The following DOCK1 variants were observed in gnomAD, a reference collection of about 807,000 sequenced individuals.
DOCK1 encodes the protein dedicator of cytokinesis 1, also known as dedicator of cytokinesis protein 1.
A neutral mutation model predicts 262.7 loss-of-function variants in DOCK1; 138 were observed. The ratio of observed to expected loss-of-function variants is 0.53; its 90% CI spans 0.46 to 0.61. The LOEUF (loss-of-function observed/expected upper bound fraction) is 0.61, where lower values mean the gene tolerates loss of function less well. Among genes scored for constraint, DOCK1 ranks in the 20% least tolerant of loss-of-function variants. DOCK1 has a pLI of 0.00. For missense variants in DOCK1, 1,908 were observed against 2,370.7 expected, an observed-to-expected ratio of 0.80 and a Z score of 4.05; for synonymous variants, 866 against 867.4, an observed-to-expected ratio of 1.00 and a Z score of 0.03.
intron 49 of DOCK1, among the ~76,000 whole-genome samples, chr10:127,441,101 A>C (rs2070093628): frequency 6.6e-6 from 1 of 152,236 alleles, no homozygotes; most frequent in African/African-American, 2.4e-5. Flanking sequence ...CTCCGTTTTA[A>C]GATGCTAAAT....
chr10:127,064,819 T>C (rs1422272110), intron 23 of DOCK1, among the ~76,000 whole-genome samples: 1 of 152,208 alleles, frequency 6.6e-6, no homozygotes, highest in African/African-American at 2.4e-5. Context: ...GTCACACTGT[T>C]GTGCAACCAT....
chr10:127,261,960 G>C (rs2060164528), intron 29 of DOCK1, among the ~76,000 whole-genome samples: 1 of 139,230 alleles, frequency 7.2e-6, no homozygotes, highest in African/African-American at 2.8e-5. Flanking sequence ...GTGTACCCGT[G>C]CTCCTCTGTG....
intron 27 of DOCK1, among the ~76,000 whole-genome samples, chr10:127,135,104 A>T (rs887525604): frequency 5.3e-5 from 8 of 152,314 alleles, no homozygotes; most frequent in African/African-American, 1.4e-4. Flanking sequence ...CACTCAATGT[A>T]TTTAGCCATT....
At chr10:126,960,115 C>A (rs2037082344) in intron 1 of DOCK1, among the ~76,000 whole-genome samples, 1 of 152,168 alleles carries the variant, frequency 6.6e-6, no homozygotes, top group South Asian at 2.1e-4. Flanking sequence ...ACAAGCAAAG[C>A]CGCAGTGGTT....
At position 127,410,735 on chromosome 10, in the gene DOCK1, A is replaced by G. The variant is rs543698010; in HGVS notation, c.4344-105A>G. 1.1e-4 allele frequency: 107 copies of G among 1,004,296 alleles called. No individual in the cohort carries two copies. In the African/African-American group the frequency reaches 1.6e-3, roughly 15 times the overall value. The allele number at this position is 1,004,296 out of a possible 1,614,324, so 62.2% of individuals were successfully genotyped here. A position where few individuals can be genotyped will look rare whatever the true frequency, so the allele number is the denominator to read the frequency against. ...ATGGCTTCAGGTCAAGGTTAGGGAC[A>G]TTTTACAGGAGGCAGTGACATGTTC... On this transcript the variant is annotated intron_variant, in intron 42 of 51. Transcript: ENST00000623213.
intron 1 of DOCK1, among the ~76,000 whole-genome samples, chr10:126,967,916 C>T (rs376356331): frequency 3.0e-4 from 46 of 152,204 alleles, no homozygotes; most frequent in African/African-American, 1.0e-3. Flanking sequence ...TGGGTTCAAG[C>T]GATTCTCTTG....
chr10:127,248,984 G>A (rs995147620), intron 28 of DOCK1, among the ~76,000 whole-genome samples: 3 of 152,092 alleles, frequency 2.0e-5, no homozygotes, highest in African/African-American at 7.2e-5. Context: ...ATGATCTGAG[G>A]TGGAACAGTT....
At position 127,024,601 on chromosome 10, in the gene DOCK1, G is replaced by C; in HGVS notation, c.1453-84G>C. The C allele has an allele frequency of 2.6e-6, 3 of 1,152,826 alleles. No homozygotes were observed. In the South Asian group the frequency reaches 4.7e-5, roughly 18 times the overall value. The allele number at this position is 1,152,826 out of a possible 1,614,324, so 71.4% of individuals were successfully genotyped here. Reference sequence around the variant, plus strand: ...GTGTTGGTGTTCTTGGAGCGTACCTGTCCCCCCACATATATAGTGGGAGAT... The same window carrying C: ...GTGTTGGTGTTCTTGGAGCGTACCTCTCCCCCCACATATATAGTGGGAGAT... On this transcript the variant is annotated intron_variant, in intron 14 of 51. Coordinates refer to ENST00000623213, the MANE Select transcript of DOCK1 (RefSeq NM_001290223.2).
At chr10:126,976,772 C>T (rs1001834825) in intron 2 of DOCK1, among the ~76,000 whole-genome samples, 3 of 151,720 alleles carry the variant, frequency 2.0e-5, no homozygotes, top group Admixed American at 2.0e-4. Flanking sequence ...CTTGCTCTCT[C>T]ATCCAGGCTG....
chr10:127,170,105 G>C (rs901967228), intron 27 of DOCK1, among the ~76,000 whole-genome samples: 2 of 151,896 alleles, frequency 1.3e-5, no homozygotes, highest in African/African-American at 2.4e-5. Context: ...TGCTGACAGG[G>C]AACTGCCCCC....
intron 27 of DOCK1, among the ~76,000 whole-genome samples, chr10:127,241,341 A>G (rs2059258021): frequency 6.6e-6 from 1 of 152,096 alleles, no homozygotes; most frequent in African/African-American, 2.4e-5. Context: ...AATAATAATT[A>G]TTATTATTGT....
At chr10:127,293,995 C>T (rs1392790605) in intron 29 of DOCK1, among the ~76,000 whole-genome samples, 1 of 152,204 alleles carries the variant, frequency 6.6e-6, no homozygotes, top group Non-Finnish European at 1.5e-5. Context: ...CTTCACTCCT[C>T]AGGTGAAGCC....
intron 34 of DOCK1, 86 bp downstream of exon 34, chr10:127,373,952 C>A: frequency 6.5e-7 from 1 of 1,530,454 alleles, no homozygotes; most frequent in South Asian, 1.2e-5. Flanking sequence ...CTTTGTAACC[C>A]AGAAATAATT....
intron 27 of DOCK1, chr10:127,137,681 C>G: frequency 3.4e-6 from 2 of 594,362 alleles, no homozygotes; most frequent in Admixed American, 3.3e-5. Flanking sequence ...TGTTAATTAT[C>G]TATTGGTACA....
chr10:127,213,266 A>C (rs1234920261), intron 27 of DOCK1, among the ~76,000 whole-genome samples: 1 of 152,224 alleles, frequency 6.6e-6, no homozygotes, highest in Non-Finnish European at 1.5e-5. Flanking sequence ...GTAAGTAAGA[A>C]GTAGGATGCT....
chr10:126,920,252 C>T (rs933466077), intron 1 of DOCK1, among the ~76,000 whole-genome samples: 15 of 152,378 alleles, frequency 9.8e-5, no homozygotes, highest in African/African-American at 3.4e-4. Context: ...CCCCCATTGA[C>T]ATTGCTACAA....
intron 38 of DOCK1, among the ~76,000 whole-genome samples, chr10:127,401,881 T>C (rs751698258): frequency 3.3e-5 from 5 of 152,172 alleles, no homozygotes; most frequent in Non-Finnish European, 7.3e-5. Context: ...TGCAATGCCT[T>C]GATCTTTTTT....
chr10:126,954,533 G>A (rs2134447826), intron 1 of DOCK1, among the ~76,000 whole-genome samples: 1 of 152,330 alleles, frequency 6.6e-6, no homozygotes, highest in Admixed American at 6.5e-5. Context: ...TCCATTGCCA[G>A]AACTCTTTTC....
chr10:127,227,468 A>G (rs1337264221), intron 27 of DOCK1, among the ~76,000 whole-genome samples: 1 of 152,204 alleles, frequency 6.6e-6, no homozygotes, highest in African/African-American at 2.4e-5. Flanking sequence ...CGAAAGGCAT[A>G]TGGGCCGTAG....
Sources: allele counts gnomAD v4.1 joint callset (sites outside exome capture counted in the v4.1 genomes callset), GRCh38; gene constraint gnomAD v4.1.1; transcripts MANE v1.5; gene names NCBI Gene and HGNC (gene_info 2026-07-23, HGNC 2026-07-21).